Variants in KCNH5 observed in about 807,000 individuals in gnomAD.
KCNH5 encodes potassium voltage-gated channel subfamily H member 5, also known as voltage-gated delayed rectifier potassium channel KCNH5.
A neutral mutation model predicts 96.1 loss-of-function variants in KCNH5; 46 were observed. The observed-to-expected ratio is 0.48, with a 90% CI of 0.38 to 0.61. KCNH5 has a LOEUF of 0.61. KCNH5 is among the 20% of genes least tolerant of loss of function. The pLI, the probability that KCNH5 is intolerant of heterozygous loss-of-function variation, is 0.00. For missense variants in KCNH5, 907 were observed against 1,225.8 expected, an observed-to-expected ratio of 0.74 and a Z score of 3.88; for synonymous variants, 439 against 449.8, an observed-to-expected ratio of 0.98 and a Z score of 0.30.
At chr14:62,920,108 T>G (rs1889352040) in intron 7 of KCNH5, among the ~76,000 whole-genome samples, 1 of 152,082 alleles carries the variant, frequency 6.6e-6, no homozygotes. Flanking sequence ...ATGCTGCCAG[T>G]TGAATGTGGG....
At chr14:62,728,151 C>T (rs72625621) in intron 10 of KCNH5, among the ~76,000 whole-genome samples, 11,434 of 150,976 alleles carry the variant, frequency 0.076, 666 homozygotes, top group East Asian at 0.29. Context: ...GAGGCTGAGG[C>T]GGGCAGATCA....
At chr14:62,777,497 G>C (rs1167834953) in intron 10 of KCNH5, among the ~76,000 whole-genome samples, 3 of 152,172 alleles carry the variant, frequency 2.0e-5, no homozygotes, top group Non-Finnish European at 2.9e-5. Context: ...CTACCCATTA[G>C]ATAATATTTT....
chr14:62,917,122 T>C (rs544013969), intron 7 of KCNH5, among the ~76,000 whole-genome samples: 3 of 152,346 alleles, frequency 2.0e-5, no homozygotes, highest in South Asian at 4.1e-4. Context: ...AGAGGAGATA[T>C]ATTAGAAAAT....
intron 9 of KCNH5, among the ~76,000 whole-genome samples, chr14:62,790,286 C>A (rs1418553795): frequency 6.6e-6 from 1 of 151,774 alleles, no homozygotes; most frequent in Non-Finnish European, 1.5e-5. Context: ...CAGTACCATA[C>A]CGTTTTAATT....
rs67304113 is a variant in KCNH5, at chr14:62,709,232, CAAAAAAAAAAAA to C, written c.2020-789_2020-778del. 6.6e-4 allele frequency among the ~76,000 whole-genome samples: 47 copies of C among 71,576 alleles called. 2 individuals are homozygous for C. In the South Asian group the frequency reaches 0.028, roughly 43 times the overall value. 47.0% of individuals were successfully genotyped at this position (71,576 alleles called of 152,430 possible). On this transcript the variant is annotated intron_variant, in intron 10 of 10. Transcript: ENST00000322893. ...TGGGCGACAGAACGAGACTCCTTCTCAAAAAAAAAAAAAAAAAAAAAAAAAAATTATCCTCTG... is the reference window on the plus strand; with the variant it reads ...TGGGCGACAGAACGAGACTCCTTCTCAAAAAAAAAAAAAAATTATCCTCTG...
chr14:63,020,881 C>T (rs1299462377), intron 1 of KCNH5, among the ~76,000 whole-genome samples: 1 of 152,074 alleles, frequency 6.6e-6, no homozygotes, highest in Non-Finnish European at 1.5e-5. Context: ...TGAGCTTAAC[C>T]TTAGTTATGA....
At chr14:62,965,065 A>G (rs959328772) in intron 6 of KCNH5, among the ~76,000 whole-genome samples, 1 of 152,162 alleles carries the variant, frequency 6.6e-6, no homozygotes, top group Non-Finnish European at 1.5e-5. Context: ...ATAAAGGAGT[A>G]CCTCAATATA....
chr14:62,997,789 A>T (rs2139587037), intron 4 of KCNH5, among the ~76,000 whole-genome samples: 1 of 150,896 alleles, frequency 6.6e-6, no homozygotes, highest in African/African-American at 2.4e-5. Context: ...AGTCCCAGCT[A>T]CTTGGAAGGC....
chr14:62,784,671 T>C (rs1020640986), intron 9 of KCNH5, among the ~76,000 whole-genome samples: 2 of 152,128 alleles, frequency 1.3e-5, no homozygotes, highest in African/African-American at 4.8e-5. Flanking sequence ...TGTCAACAGG[T>C]AAAAGGTACT....
chr14:62,853,633 C>CCTTTACTAG (rs1887868812), intron 7 of KCNH5, among the ~76,000 whole-genome samples: 1 of 151,536 alleles, frequency 6.6e-6, no homozygotes, highest in Non-Finnish European at 1.5e-5. Flanking sequence ...CTTCAGAGCC[C>CCTTTACTAG]CTTTACTAGC....
intron 6 of KCNH5, among the ~76,000 whole-genome samples, chr14:62,979,072 A>C (rs1400478053): frequency 6.6e-6 from 1 of 152,196 alleles, no homozygotes; most frequent in African/African-American, 2.4e-5. Flanking sequence ...CCCCTTGGTA[A>C]CCATTATTCT....
chr14:62,899,808 T>C (rs1888888367), intron 7 of KCNH5, among the ~76,000 whole-genome samples: 1 of 145,526 alleles, frequency 6.9e-6, no homozygotes, highest in South Asian at 2.3e-4. Context: ...CACTCCAGCC[T>C]GGGCGACAGA....
At chr14:63,036,381 C>T (rs8021399) in intron 1 of KCNH5, among the ~76,000 whole-genome samples, 27,228 of 151,782 alleles carry the variant, frequency 0.18, 3,220 homozygotes, top group East Asian at 0.36. Context: ...AAGCTAAGGA[C>T]TGATAATCTA....
At position 62,798,540 on chromosome 14, in the gene KCNH5, T is replaced by A. The variant is rs1041819375; in HGVS notation, c.1822+3789A>T. ...ATCACGAACTTAATTTGGAATTCTT[T>A]GTGTTTTATAAAAAGTGGGAAGGTC... On this transcript the variant is annotated intron_variant, in intron 9 of 10. Coordinates refer to ENST00000322893, the MANE Select transcript of KCNH5 (RefSeq NM_139318.5). 3.3e-5 allele frequency among the ~76,000 whole-genome samples: 5 copies of A among 152,362 alleles called. No homozygotes were observed. The Middle Eastern group carries it at 0.01, about 311-fold the overall frequency.
At chr14:63,027,479 GAA>G (rs11399195) in intron 1 of KCNH5, among the ~76,000 whole-genome samples, 1 of 126,542 alleles carries the variant, frequency 7.9e-6, no homozygotes, top group Non-Finnish European at 1.7e-5. Flanking sequence ...AAGTTGGTTT[GAA>G]AAAAAAAAAA....
chr14:62,817,000 G>T (rs1886992757), intron 8 of KCNH5, among the ~76,000 whole-genome samples: 1 of 146,678 alleles, frequency 6.8e-6, no homozygotes, highest in Non-Finnish European at 1.5e-5. Context: ...TCTTTTTTGT[G>T]ACTTTATTTA....
intron 6 of KCNH5, among the ~76,000 whole-genome samples, chr14:62,951,977 A>AG (rs1890016080): frequency 6.6e-6 from 1 of 151,548 alleles, no homozygotes; most frequent in Non-Finnish European, 1.5e-5. Flanking sequence ...AAAAAAAAAA[A>AG]AAAAAGTAAA....
intron 10 of KCNH5, among the ~76,000 whole-genome samples, chr14:62,753,221 C>T (rs1006963931): frequency 6.6e-6 from 1 of 152,074 alleles, no homozygotes; most frequent in Non-Finnish European, 1.5e-5. Context: ...CTGATGAATG[C>T]ATCACAGTCT....
intron 10 of KCNH5, among the ~76,000 whole-genome samples, chr14:62,762,562 A>G (rs984664843): frequency 6.6e-6 from 1 of 151,962 alleles, no homozygotes; most frequent in African/African-American, 2.4e-5. Context: ...CCTCACCACC[A>G]TGCTATCAAT....
Sources: allele counts gnomAD v4.1 joint callset (sites outside exome capture counted in the v4.1 genomes callset), GRCh38; gene constraint gnomAD v4.1.1; transcripts MANE v1.5; gene names NCBI Gene and HGNC (gene_info 2026-07-23, HGNC 2026-07-21).